CELSR1: variants seen among roughly 807,000 people sequenced by gnomAD.
The protein encoded by CELSR1 is adhesion G protein-coupled receptor C1.
A neutral mutation model predicts 249.1 loss-of-function variants in CELSR1; 110 were observed. The observed-to-expected ratio is 0.44, with a 90% CI of 0.38 to 0.52. The LOEUF (loss-of-function observed/expected upper bound fraction) is 0.52, where lower values mean the gene tolerates loss of function less well. Among genes scored for constraint, CELSR1 ranks in the 20% least tolerant of loss-of-function variants. The probability of loss-of-function intolerance (pLI) is 0.00; values close to 1 mark genes in which losing one functional copy is unlikely to be tolerated. For missense variants in CELSR1, 4,109 were observed against 4,296.4 expected, an observed-to-expected ratio of 0.96 and a Z score of 1.22; for synonymous variants, 2,113 against 1,900.0, an observed-to-expected ratio of 1.11 and a Z score of -2.92.
At chr22:46,501,595 G>A (rs976580100) in intron 1 of CELSR1, among the ~76,000 whole-genome samples, 12 of 152,176 alleles carry the variant, frequency 7.9e-5, no homozygotes, top group African/African-American at 2.7e-4. Context: ...ACGGAAACAC[G>A]CAAATATCCA....
Position 46,500,561 on chromosome 22 carries a change from A to G in CELSR1, c.3544+33066T>C, listed in dbSNP as rs2080456337. On this transcript the variant is annotated intron_variant, in intron 1 of 34. Transcript: ENST00000674500. This position sits in a 1 kb window ranked among gnomAD's most constrained non-coding sequence, Gnocchi z 4.9. ...TCTGGGAGCTTCCAAAGGGGGCGTC[A>G]ATGACACCCATAACTTGTCACAGAA... Among the ~76,000 whole-genome samples, 1 of 152,160 alleles carries G rather than the reference A, an allele frequency of 6.6e-6. No homozygotes were observed. The highest frequency in any genetic ancestry group is 2.4e-5 in the African/African-American group (1 of 41,426).
At chr22:46,371,717 A>G (rs1166968043) in intron 25 of CELSR1, among the ~76,000 whole-genome samples, 1 of 141,808 alleles carries the variant, frequency 7.1e-6, no homozygotes, top group Admixed American at 7.0e-5. Flanking sequence ...CCATCCATCT[A>G]CCCACCCATC....
At chr22:46,528,928 CAAAATAAAAT>C (rs139450136) in intron 1 of CELSR1, among the ~76,000 whole-genome samples, 35 of 138,058 alleles carry the variant, frequency 2.5e-4, no homozygotes, top group African/African-American at 5.9e-4. Flanking sequence ...GACTCTGTCT[CAAAATAAAAT>C]AAAATAAAAT....
At position 46,393,269 on chromosome 22, in the gene CELSR1, A is replaced by G. The variant is rs916858096; in HGVS notation, c.5964+873T>C. 4.6e-5 allele frequency among the ~76,000 whole-genome samples: 7 copies of G among 152,178 alleles called. No homozygotes were observed. The highest frequency in any genetic ancestry group is 1.3e-4 in the Admixed American group (2 of 15,276). ...GTGATGTATCCTGAGAGGGCTGGGG[A>G]GGGGTCCCTAGAGTCTGCACTGAGA... is the stretch of plus-strand genomic sequence containing the variant. On this transcript the variant is annotated intron_variant, in intron 14 of 34. Transcript: ENST00000674500. This position sits in a 1 kb window ranked among gnomAD's most constrained non-coding sequence, Gnocchi z 4.1.
At chr22:46,496,614 C>T (rs777624387) in intron 1 of CELSR1, among the ~76,000 whole-genome samples, 1 of 126,164 alleles carries the variant, frequency 7.9e-6, no homozygotes, top group Admixed American at 9.2e-5. Context: ...ATTCTATAAG[C>T]TTTTATCTAT....
chr22:46,389,404 C>T lies in CELSR1; in HGVS notation c.6441G>A (p.Thr2147=), dbSNP rs11090875. ...ALRSATQHTG[T]LFGNDVRTAY... is the part of the protein sequence containing the mutation. ...CCGTGCGCACGTCATTGCCAAAGAGCGTGCCCGTGTGCTGTGTAGCACTGC... is the reference window on the plus strand; with the variant it reads ...CCGTGCGCACGTCATTGCCAAAGAGTGTGCCCGTGTGCTGTGTAGCACTGC... The change falls in exon 18 of 35, where the codon ACG becomes ACA. Residue 2147 remains threonine, a synonymous_variant. Transcript: ENST00000674500. The T allele has an allele frequency of 0.085, 137,187 of 1,612,144 alleles. 6,305 individuals are homozygous for T. The highest frequency in any genetic ancestry group is 0.12 in the African/African-American group (8,876 of 75,050).
chr22:46,487,457 C>T (rs937277813), intron 1 of CELSR1, among the ~76,000 whole-genome samples: 1 of 143,772 alleles, frequency 7.0e-6, no homozygotes, highest in East Asian at 2.1e-4. Flanking sequence ...AGAGGGAAAA[C>T]CACAGTCCTG....
intron 3 of CELSR1, 51 bp downstream of exon 3, chr22:46,439,138 C>G: frequency 6.6e-7 from 1 of 1,523,736 alleles, no homozygotes; most frequent in Non-Finnish European, 9.0e-7. Context: ...CGGAGAAGCT[C>G]GCCCCTTTCC....
rs945770283 is a variant in CELSR1 at position 46,536,975 on chromosome 22, C to G, written c.196G>C (p.Asp66His). The G allele has an allele frequency of 5.3e-6, 6 of 1,134,080 alleles. No homozygotes were observed. The African/African-American group carries it at 9.9e-5, about 19-fold the overall frequency. The allele number at this position is 1,134,080 out of a possible 1,614,324, so 70.3% of individuals were successfully genotyped here. A position where few individuals can be genotyped will look rare whatever the true frequency, so the allele number is the denominator to read the frequency against. Residue 66 changes from aspartate to histidine, a missense_variant, in exon 1 of 35, where the codon GAC becomes CAC. Around this residue, in one of 7 missense-constraint regions of CELSR1, gnomAD observed 673 missense variants for 636.8 expected, o/e 1.06. Coordinates refer to ENST00000674500, the MANE Select transcript of CELSR1 (RefSeq NM_001378328.1). ...CTPRAPRELL[D>H]VGRDGRLAGR... is the part of the protein sequence containing the mutation. ...GCCAGCCGCCCATCGCGGCCCACGT[C>G]CAGCAGCTCCCGCGGCGCCCGGGGC... is the stretch of plus-strand genomic sequence containing the variant.
In CELSR1 at chr22:46,463,689, G is replaced by A. The variant is rs1424057306; in HGVS notation, c.4183+18C>T. ...CTGGGGACATGTACACAAAGCCAGG[G>A]TGAGCCCGGGCACCTACCAGTGAAG... is the stretch of plus-strand genomic sequence containing the variant. On this transcript the variant is annotated intron_variant, in intron 2 of 34. Transcript: ENST00000674500. The A allele has an allele frequency of 1.3e-6, 2 of 1,503,486 alleles. No homozygotes were observed. Among genetic ancestry groups the A allele is most frequent in the Admixed American group, 4.7e-5 (2 of 42,530 alleles). 93.1% of individuals were successfully genotyped at this position (1,503,486 alleles called of 1,614,324 possible).
At chr22:46,379,294 GT>G (rs1393381095) in intron 22 of CELSR1, among the ~76,000 whole-genome samples, 1 of 152,180 alleles carries the variant, frequency 6.6e-6, no homozygotes, top group Non-Finnish European at 1.5e-5. Context: ...ATAACAAGGT[GT>G]TATAAGGTGT....
intron 1 of CELSR1, among the ~76,000 whole-genome samples, chr22:46,498,473 G>T (rs534328272): frequency 4.6e-5 from 7 of 151,562 alleles, no homozygotes; most frequent in Non-Finnish European, 8.8e-5. Flanking sequence ...TTAGCCGGGC[G>T]TGGTGGCAGG....
rs768415995 is a variant in CELSR1, at chr22:46,390,481, C to T, written c.6256G>A (p.Ala2086Thr). Residue 2086 changes from alanine to threonine, a missense_variant, in exon 17 of 35, where the codon GCG (alanine) becomes ACG (threonine). Ala to Thr is a moderately conservative substitution (Grantham distance 58). Transcript: ENST00000674500. The surrounding 1 kb of genome is among the most constrained non-coding windows in gnomAD (Gnocchi z 6.3). Reference protein sequence around the residue: ...VPCPKGSVGNAVRHCSGEKGW... With the variant: ...VPCPKGSVGNTVRHCSGEKGW... Reference sequence around the variant, plus strand: ...TTCTCCCCGCTGCAGTGTCGGACCGCATTTCCTGGGGAAGGAGAGCAGGTG... The same window carrying T: ...TTCTCCCCGCTGCAGTGTCGGACCGTATTTCCTGGGGAAGGAGAGCAGGTG... The T allele has an allele frequency of 3.7e-6, 6 of 1,613,488 alleles. No individual in the cohort carries two copies.
In CELSR1 at chr22:46,536,781, C is replaced by A. The variant is rs1431050265; in HGVS notation, c.390G>T (p.Ala130=). The change falls in exon 1 of 35, where the codon GCG becomes GCT. Residue 130 remains alanine, a synonymous_variant. Transcript: ENST00000674500. The stretch of plus-strand genomic sequence containing the variant: ...AGCCGCCGGGGACGGGGAAGCAGAG[C>A]GCCCCGCAGAGCCGGGCACCGGTTC... The part of the protein sequence containing the change: ...LCGTGARLCG[A]LCFPVPGGCA... 7.6e-6 allele frequency: 9 copies of A among 1,185,328 alleles called. No homozygotes were observed. Among genetic ancestry groups the A allele is most frequent in the South Asian group, 7.3e-5 (2 of 27,402 alleles). 73.4% of individuals were successfully genotyped at this position (1,185,328 alleles called of 1,614,324 possible).
chr22:46,534,113 T>C lies in CELSR1; in HGVS notation c.3058A>G (p.Lys1020Glu). Residue 1020 changes from lysine to glutamate, a missense_variant, in exon 1 of 35, where the codon AAG (lysine) becomes GAG (glutamate). This residue lies in a region of CELSR1 where 886 missense variants were observed against 896.5 expected (regional missense o/e 0.99). Transcript: ENST00000674500. This position sits in a 1 kb window ranked among gnomAD's most constrained non-coding sequence, Gnocchi z 9.7. ...TCATCAGGGTCGTTAGCACGAATCTTTGCCACCACCGACCCCACTGGGTTG... is the reference window on the plus strand; with the variant it reads ...TCATCAGGGTCGTTAGCACGAATCTCTGCCACCACCGACCCCACTGGGTTG... ...ENNPVGSVVAKIRANDPDEGP... is the reference protein window; with the variant it reads ...ENNPVGSVVAEIRANDPDEGP... 6.2e-7 allele frequency: 1 copy of C among 1,613,758 alleles called. No homozygotes were observed. The highest frequency in any genetic ancestry group is 8.5e-7 in the Non-Finnish European group (1 of 1,180,040).
Position 46,517,055 on chromosome 22 carries a change from G to A in CELSR1, c.3544+16572C>T, listed in dbSNP as rs1003319914. On this transcript the variant is annotated intron_variant, in intron 1 of 34. Coordinates refer to ENST00000674500, the MANE Select transcript of CELSR1 (RefSeq NM_001378328.1). The surrounding 1 kb of genome is among the most constrained non-coding windows in gnomAD (Gnocchi z 5.4). Reference sequence around the variant, plus strand: ...TCCACTTCCTGAGGCTGGTGACTCTGGGGGAAGAATCCAGAGGGTCTGGCT... The same window carrying A: ...TCCACTTCCTGAGGCTGGTGACTCTAGGGGAAGAATCCAGAGGGTCTGGCT... Among the ~76,000 whole-genome samples the A allele has an allele frequency of 4.6e-5, 7 of 152,244 alleles. No individual in the cohort carries two copies. Among genetic ancestry groups the A allele is most frequent in the African/African-American group, 1.4e-4 (6 of 41,458 alleles).
rs553453919 is a variant in CELSR1 at position 46,412,987 on chromosome 22, C to A, written c.4612-1228G>T. Among the ~76,000 whole-genome samples, 1 of 152,338 alleles carries A rather than the reference C, an allele frequency of 6.6e-6. No homozygotes were observed. The highest frequency in any genetic ancestry group is 2.4e-5 in the African/African-American group (1 of 41,570). On this transcript the variant is annotated intron_variant, in intron 5 of 34. Transcript: ENST00000674500. This position sits in a 1 kb window ranked among gnomAD's most constrained non-coding sequence, Gnocchi z 4.5. ...CCCTCCACCCCAGAGAGAACCTTTT[C>A]TTCCAGTCCCAGCAGGGTCCCTCCC...
In CELSR1 at chr22:46,452,677, T is replaced by C. The variant is rs576608964; in HGVS notation, c.4183+11030A>G. Among the ~76,000 whole-genome samples the C allele has an allele frequency of 3.0e-4, 45 of 152,282 alleles. 1 individual carries two copies. The South Asian group carries it at 9.3e-3, about 32-fold the overall frequency. On this transcript the variant is annotated intron_variant, in intron 2 of 34. Transcript: ENST00000674500. ...CGTGGGCCAGGGACTTGGCTCTCTT[T>C]AGAAGGACGTTGGTGGCAGCTCAGG... is the stretch of plus-strand genomic sequence containing the variant.
chr22:46,451,231 A>T (rs1569172550), intron 2 of CELSR1, among the ~76,000 whole-genome samples: 1 of 152,168 alleles, frequency 6.6e-6, no homozygotes. Flanking sequence ...TAGCCAGGAA[A>T]GCCCTCAGCA....
Sources: gnomAD v4.1 joint callset for allele counts (sites outside exome capture counted in the v4.1 genomes callset) on GRCh38, gnomAD v4.1.1 for gene constraint, gnomAD v4.1.1 regional missense constraint, Gnocchi (gnomAD v3.1) non-coding constraint, MANE v1.5 for transcripts, NCBI Gene and HGNC (gene_info 2026-07-23, HGNC 2026-07-21) for gene names.